TBC1D19: variants seen among roughly 807,000 people sequenced by gnomAD.
TBC1D19 encodes the protein TBC1 domain family, member 19.
In TBC1D19, 60 loss-of-function variants were observed where a neutral mutation model predicts 89.0. That is an observed-to-expected ratio of 0.67 (90% CI 0.55 to 0.84). The LOEUF is 0.84. TBC1D19 is among the 40% of genes least tolerant of loss of function. TBC1D19 has a pLI of 0.00. For synonymous variants in TBC1D19, 189 were observed against 199.7 expected (o/e 0.95, Z 0.45); for missense variants, 500 against 610.8 (o/e 0.82, Z 1.91).
At chr4:26,711,050 G>A (rs577779812) in intron 13 of TBC1D19, among the ~76,000 whole-genome samples, 56 of 152,094 alleles carry the variant, frequency 3.7e-4, no homozygotes, top group African/African-American at 1.1e-3. Context: ...CCATTTGTCA[G>A]TTTTGGCTTT....
At chr4:26,678,299 T>C (rs1713017425) in intron 11 of TBC1D19, among the ~76,000 whole-genome samples, 1 of 152,238 alleles carries the variant, frequency 6.6e-6, no homozygotes, top group African/African-American at 2.4e-5. Context: ...TGTGTAACTT[T>C]CGTCAGTCGA....
At chr4:26,578,594 A>C (rs1739015229) in intron 1 of TBC1D19, among the ~76,000 whole-genome samples, 1 of 152,192 alleles carries the variant, frequency 6.6e-6, no homozygotes, top group South Asian at 2.1e-4. Context: ...AGAGAGAGAG[A>C]GAGCACGTGC....
At chr4:26,597,830 C>G (rs745938619) in intron 1 of TBC1D19, among the ~76,000 whole-genome samples, 2 of 151,812 alleles carry the variant, frequency 1.3e-5, no homozygotes, top group African/African-American at 4.8e-5. Context: ...TTTTTGCATT[C>G]TTTTGGGTTA....
At chr4:26,693,123 TAAA>T (rs56037009) in intron 13 of TBC1D19, among the ~76,000 whole-genome samples, 13 of 136,122 alleles carry the variant, frequency 9.6e-5, no homozygotes, top group Admixed American at 1.5e-4. Context: ...AAGACTGTCT[TAAA>T]AAAAAAAAAA....
intron 7 of TBC1D19, among the ~76,000 whole-genome samples, chr4:26,652,027 A>C (rs768236740): frequency 6.6e-6 from 1 of 151,834 alleles, no homozygotes; most frequent in South Asian, 2.1e-4. Flanking sequence ...ATTGATTTGC[A>C]TGTGTTTAAC....
At chr4:26,793,517 G>A in the TBC1D19 span, among the ~76,000 whole-genome samples, 8 of 152,042 alleles carry the variant, frequency 5.3e-5, no homozygotes, top group Non-Finnish European at 1.0e-4. Context: ...TTGATGTCAG[G>A]AGTTCGAGAC....
chr4:26,787,084 A>C, the TBC1D19 span, among the ~76,000 whole-genome samples: 1 of 151,466 alleles, frequency 6.6e-6, no homozygotes, highest in Non-Finnish European at 1.5e-5. Flanking sequence ...TGGTAGACAC[A>C]TAATAAAGAG....
chr4:26,615,254 T>C (rs966412389), intron 3 of TBC1D19, among the ~76,000 whole-genome samples: 1 of 152,138 alleles, frequency 6.6e-6, no homozygotes, highest in Non-Finnish European at 1.5e-5. Context: ...TAGAACTGTT[T>C]GCCATTTAAA....
chr4:26,737,982 T>C (rs1011068512), intron 16 of TBC1D19, among the ~76,000 whole-genome samples: 2 of 152,000 alleles, frequency 1.3e-5, no homozygotes, highest in African/African-American at 2.4e-5. Context: ...TAGTATATTA[T>C]GGTGTCATAA....
intron 15 of TBC1D19, among the ~76,000 whole-genome samples, chr4:26,729,006 C>T (rs1717495635): frequency 6.6e-6 from 1 of 152,190 alleles, no homozygotes; most frequent in Admixed American, 6.5e-5. Context: ...CAGAGCGAGA[C>T]TCCGTCTCAA....
the TBC1D19 span, among the ~76,000 whole-genome samples, chr4:26,781,310 G>A: frequency 6.6e-6 from 1 of 152,112 alleles, no homozygotes; most frequent in South Asian, 2.1e-4. Flanking sequence ...AGGGGGGCTG[G>A]GTAACAAAGT....
intron 7 of TBC1D19, among the ~76,000 whole-genome samples, chr4:26,649,263 A>G (rs1039665659): frequency 1.3e-5 from 2 of 152,122 alleles, no homozygotes; most frequent in Non-Finnish European, 2.9e-5. Flanking sequence ...CTATCAGTTC[A>G]TTAATGTCTT....
intron 10 of TBC1D19, among the ~76,000 whole-genome samples, chr4:26,672,749 A>G (rs965536572): frequency 6.6e-6 from 1 of 152,002 alleles, no homozygotes; most frequent in African/African-American, 2.4e-5. Context: ...TTGTGTCAGA[A>G]TGAACCTTCT....
At chr4:26,851,622 CCTT>C in the TBC1D19 span, among the ~76,000 whole-genome samples, 1 of 152,126 alleles carries the variant, frequency 6.6e-6, no homozygotes, top group Non-Finnish European at 1.5e-5. Flanking sequence ...TTAAACTAAA[CCTT>C]ATTTTCTATT....
intron 7 of TBC1D19, among the ~76,000 whole-genome samples, chr4:26,645,123 C>A (rs368273045): frequency 6.6e-6 from 1 of 152,172 alleles, no homozygotes; most frequent in Non-Finnish European, 1.5e-5. Flanking sequence ...CAAGCTACCA[C>A]TGACTTTCTT....
intron 15 of TBC1D19, among the ~76,000 whole-genome samples, chr4:26,730,887 G>T (rs997785859): frequency 2.6e-5 from 4 of 152,226 alleles, no homozygotes; most frequent in African/African-American, 9.6e-5. Flanking sequence ...GGCTCTGGAA[G>T]CTGTCTTAGG....
At chr4:26,768,369 A>C in the TBC1D19 span, among the ~76,000 whole-genome samples, 47 of 152,206 alleles carry the variant, frequency 3.1e-4, no homozygotes, top group Non-Finnish European at 5.0e-4. Context: ...ACCCCATATC[A>C]GCACACCTCA....
At chr4:26,675,471 G>A (rs908684851) in intron 11 of TBC1D19, among the ~76,000 whole-genome samples, 1 of 152,018 alleles carries the variant, frequency 6.6e-6, no homozygotes, top group Non-Finnish European at 1.5e-5. Context: ...ATTGCAAAGT[G>A]ACAAGTCTAT....
chr4:26,842,227 A>G, the TBC1D19 span, among the ~76,000 whole-genome samples: 1 of 151,790 alleles, frequency 6.6e-6, no homozygotes, highest in Non-Finnish European at 1.5e-5. Context: ...GACCTGCTGT[A>G]TCTTGGGGGT....
Sources: gnomAD v4.1 joint callset for allele counts (sites outside exome capture counted in the v4.1 genomes callset) on GRCh38, gnomAD v4.1.1 for gene constraint, MANE v1.5 for transcripts, NCBI Gene and HGNC (gene_info 2026-07-23, HGNC 2026-07-21) for gene names.